Variants in HPSE2 observed in about 807,000 individuals in gnomAD.
HPSE2 encodes the protein heparanase 2 (inactive).
HPSE2 carries 38 observed loss-of-function variants against 60.5 expected under a neutral mutation model. The observed-to-expected ratio is 0.63, with a 90% CI of 0.48 to 0.82. The LOEUF is 0.82. Ranked by LOEUF, HPSE2 falls within the 40% of genes least tolerant of loss-of-function variation. HPSE2 has a pLI of 0.00. For synonymous variants in HPSE2, 295 were observed against 293.2 expected (o/e 1.01, Z -0.06); for missense variants, 713 against 740.4 (o/e 0.96, Z 0.43).
chr10:99,100,504 A>C (rs1045785961), intron 3 of HPSE2, among the ~76,000 whole-genome samples: 22 of 152,240 alleles, frequency 1.4e-4, no homozygotes, highest in Non-Finnish European at 2.8e-4. Flanking sequence ...AAAAGACCAA[A>C]TCTACATCTG....
chr10:98,512,842 C>CACACACACACACAG (rs1388340168), intron 9 of HPSE2, among the ~76,000 whole-genome samples: 2 of 151,554 alleles, frequency 1.3e-5, no homozygotes, highest in Admixed American at 1.3e-4. Flanking sequence ...CACACACACA[C>CACACACACACACAG]AGGCACACTT....
chr10:98,863,027 G>T (rs1203215792), intron 3 of HPSE2, among the ~76,000 whole-genome samples: 2 of 152,138 alleles, frequency 1.3e-5, no homozygotes, highest in Non-Finnish European at 2.9e-5. Flanking sequence ...GCCTCTCAAA[G>T]TGCTGGCATT....
chr10:99,167,588 A>G lies in HPSE2; in HGVS notation c.449-23189T>C, dbSNP rs1847133511. 2.0e-5 allele frequency among the ~76,000 whole-genome samples: 3 copies of G among 152,098 alleles called. No individual in the cohort carries two copies. The South Asian group carries it at 6.2e-4, about 32-fold the overall frequency. Reference sequence around the variant, plus strand: ...TCAGTTGACATTATTTTGTGGGTCTATTTCTAAGCTCTCTATTCTGCTCCA... The same window carrying G: ...TCAGTTGACATTATTTTGTGGGTCTGTTTCTAAGCTCTCTATTCTGCTCCA... On this transcript the variant is annotated intron_variant, in intron 2 of 11. Transcript: ENST00000370552.
chr10:99,302,968 C>T, the HPSE2 span, among the ~76,000 whole-genome samples: 1 of 151,678 alleles, frequency 6.6e-6, no homozygotes, highest in Non-Finnish European at 1.5e-5. Flanking sequence ...TGGACTGAAG[C>T]TTTCCCTACA....
At chr10:98,572,144 T>A (rs530799994) in intron 9 of HPSE2, among the ~76,000 whole-genome samples, 1 of 152,210 alleles carries the variant, frequency 6.6e-6, no homozygotes, top group East Asian at 1.9e-4. Flanking sequence ...TTTCACTATG[T>A]TGGCCAGGCT....
chr10:98,645,718 C>T (rs980491045), intron 6 of HPSE2, among the ~76,000 whole-genome samples: 10 of 152,134 alleles, frequency 6.6e-5, no homozygotes, highest in Non-Finnish European at 1.3e-4. Flanking sequence ...GTGGCTCAAG[C>T]CTGTAATCCC....
At chr10:98,965,336 T>C (rs1215011203) in intron 3 of HPSE2, among the ~76,000 whole-genome samples, 1 of 152,120 alleles carries the variant, frequency 6.6e-6, no homozygotes, top group Non-Finnish European at 1.5e-5. Flanking sequence ...GTTTAAATAC[T>C]AGTGCTAGTT....
At chr10:98,758,047 C>T (rs2134376865) in intron 3 of HPSE2, among the ~76,000 whole-genome samples, 1 of 152,098 alleles carries the variant, frequency 6.6e-6, no homozygotes, top group African/African-American at 2.4e-5. Flanking sequence ...CATCTACAAC[C>T]ATCCAATTTT....
intron 3 of HPSE2, among the ~76,000 whole-genome samples, chr10:98,761,767 C>T (rs1030544985): frequency 2.6e-5 from 4 of 152,120 alleles, no homozygotes; most frequent in Non-Finnish European, 5.9e-5. Flanking sequence ...ACAATCTGGA[C>T]AATGATCTGT....
intron 2 of HPSE2, among the ~76,000 whole-genome samples, chr10:99,227,818 T>G (rs1166664769): frequency 6.7e-6 from 1 of 148,786 alleles, no homozygotes; most frequent in Non-Finnish European, 1.5e-5. Context: ...TATATATGTA[T>G]ATATATAAAG....
chr10:98,975,422 A>G (rs1956061391), intron 3 of HPSE2, among the ~76,000 whole-genome samples: 2 of 151,888 alleles, frequency 1.3e-5, no homozygotes, highest in Non-Finnish European at 2.9e-5. Context: ...CAATATATTC[A>G]TCTTAAAGTA....
intron 9 of HPSE2, 66 bp from the exon 10 acceptor site, chr10:98,490,262 GACACACACACACACAC>G: frequency 1.5e-5 from 19 of 1,251,032 alleles, no homozygotes; most frequent in Non-Finnish European, 1.5e-5. Context: ...GAGTAAACAT[GACACACACACACACAC>G]ACACACACAC....
At chr10:99,114,245 C>G (rs937023038) in intron 3 of HPSE2, among the ~76,000 whole-genome samples, 2 of 152,184 alleles carry the variant, frequency 1.3e-5, no homozygotes, top group African/African-American at 2.4e-5. Flanking sequence ...CAGCACTTAA[C>G]TAAATACTCT....
chr10:98,979,286 T>C (rs1002391841), intron 3 of HPSE2, among the ~76,000 whole-genome samples: 2 of 152,084 alleles, frequency 1.3e-5, no homozygotes, highest in African/African-American at 4.8e-5. Flanking sequence ...AAGAAGAAAT[T>C]TGGTAATTGA....
At chr10:99,050,301 C>CA (rs552611645) in intron 3 of HPSE2, among the ~76,000 whole-genome samples, 4,712 of 126,298 alleles carry the variant, frequency 0.037, 93 homozygotes, top group South Asian at 0.05. Context: ...GACTCTGTCT[C>CA]AAAAAAAAAA....
chr10:98,693,851 A>G lies in HPSE2; in HGVS notation c.1004+49T>C, dbSNP rs751693281. The G allele has an allele frequency of 3.0e-6, 4 of 1,342,458 alleles. No individual in the cohort carries two copies. The South Asian group carries it at 4.7e-5, about 16-fold the overall frequency. The allele number at this position is 1,342,458 out of a possible 1,614,324, so 83.2% of individuals were successfully genotyped here. ...ACTTAGTGACAACTAATTATCTTTC[A>G]TTTCACAGCAGCTGATAATAAGTAA... is the stretch of plus-strand genomic sequence containing the variant. On this transcript the variant is annotated intron_variant, in intron 6 of 11. Transcript: ENST00000370552.
At chr10:98,964,424 T>A (rs766979749) in intron 3 of HPSE2, among the ~76,000 whole-genome samples, 64 of 152,158 alleles carry the variant, frequency 4.2e-4, no homozygotes, top group Non-Finnish European at 7.5e-4. Flanking sequence ...GTTTTAATAA[T>A]CTTTTAGAAT....
intron 6 of HPSE2, among the ~76,000 whole-genome samples, chr10:98,691,313 T>A (rs1948071847): frequency 6.6e-6 from 1 of 152,160 alleles, no homozygotes; most frequent in Non-Finnish European, 1.5e-5. Flanking sequence ...TTTTAGGGTA[T>A]TTTTGGAGTA....
Position 98,761,868 on chromosome 10 carries a change from G to C in HPSE2, c.611-17812C>G, listed in dbSNP as rs188743300. 3.1e-3 allele frequency among the ~76,000 whole-genome samples: 466 copies of C among 152,192 alleles called. 1 individual carries two copies. The highest frequency in any genetic ancestry group is 4.9e-3 in the Non-Finnish European group (335 of 67,992). On this transcript the variant is annotated intron_variant, in intron 3 of 11. Transcript: ENST00000370552. ...CAAGTGGCAGAACAGTGTGATAGGCGCTAAAAGTAGAAATTCTGAAAAACA... is the reference window on the plus strand; with the variant it reads ...CAAGTGGCAGAACAGTGTGATAGGCCCTAAAAGTAGAAATTCTGAAAAACA...
Sources: gnomAD v4.1 joint callset for allele counts (sites outside exome capture counted in the v4.1 genomes callset) on GRCh38, gnomAD v4.1.1 for gene constraint, MANE v1.5 for transcripts, NCBI Gene and HGNC (gene_info 2026-07-23, HGNC 2026-07-21) for gene names.